The following PTPRK variants were observed in gnomAD, a reference collection of about 807,000 sequenced individuals.
PTPRK encodes protein tyrosine phosphatase receptor type K, also known as receptor-type tyrosine-protein phosphatase kappa.
In PTPRK, 75 loss-of-function variants were observed where a neutral mutation model predicts 178.0. The observed-to-expected ratio is 0.42, with a 90% CI of 0.35 to 0.51. The LOEUF (loss-of-function observed/expected upper bound fraction) is 0.51, where lower values mean the gene tolerates loss of function less well. PTPRK is among the 20% of genes least tolerant of loss of function. PTPRK has a pLI of 0.02. For missense variants in PTPRK, 1,441 were observed against 1,797.8 expected, an observed-to-expected ratio of 0.80 and a Z score of 3.59; for synonymous variants, 637 against 620.6, an observed-to-expected ratio of 1.03 and a Z score of -0.39.
chr6:128,285,586 G>GAGT (rs1391655839), intron 3 of PTPRK, among the ~76,000 whole-genome samples: 4 of 152,032 alleles, frequency 2.6e-5, no homozygotes, highest in African/African-American at 9.6e-5. Context: ...CAAGGCAGGT[G>GAGT]GATCACAAGG....
At chr6:128,348,768 T>C (rs1263270713) in intron 2 of PTPRK, among the ~76,000 whole-genome samples, 1 of 152,072 alleles carries the variant, frequency 6.6e-6, no homozygotes, top group Non-Finnish European at 1.5e-5. Context: ...TATGAAAACC[T>C]GAAAGCTCTA....
rs1341535302 is a variant in PTPRK at position 128,397,679 on chromosome 6, G to C, written c.110C>G (p.Thr37Ser). 1 of 1,613,204 alleles carries C rather than the reference G, an allele frequency of 6.2e-7. No individual in the cohort carries two copies. Among genetic ancestry groups the C allele is most frequent in the Non-Finnish European group, 8.5e-7 (1 of 1,179,388 alleles). ...ACAGGCCCCTGGACCATCATCAAAA[G>C]TACAGCCACCTAGGAGAAAAGAAGA... is the stretch of plus-strand genomic sequence containing the variant. ...AQGQFSAGGC[T>S]FDDGPGACDY... The change falls in exon 2 of 30, where the codon ACT becomes AGT. Residue 37 changes from threonine to serine, a missense_variant. By Grantham distance (58) the Thr-to-Ser change is moderately conservative. Transcript: ENST00000368226.
chr6:128,133,227 G>A (rs1794523862), intron 7 of PTPRK, among the ~76,000 whole-genome samples: 1 of 152,146 alleles, frequency 6.6e-6, no homozygotes, highest in Non-Finnish European at 1.5e-5. Context: ...AAGATGAATA[G>A]AATGATGTGA....
At chr6:128,057,288 G>A (rs1780062913) in intron 13 of PTPRK, among the ~76,000 whole-genome samples, 1 of 152,172 alleles carries the variant, frequency 6.6e-6, no homozygotes, top group Non-Finnish European at 1.5e-5. Context: ...TAACGTAGCA[G>A]GACTAAGACT....
At chr6:128,235,428 A>T (rs1027538860) in intron 5 of PTPRK, 6 of 257,376 alleles carry the variant, frequency 2.3e-5, no homozygotes, top group Middle Eastern at 4.4e-4. Context: ...TATAAATTAT[A>T]TGTTATAATT....
chr6:128,379,535 T>A (rs1249056949), intron 2 of PTPRK, among the ~76,000 whole-genome samples: 1 of 152,220 alleles, frequency 6.6e-6, no homozygotes, highest in African/African-American at 2.4e-5. Flanking sequence ...ATTTTACCTT[T>A]AAGAAAGAGA....
At chr6:128,263,241 A>G in intron 3 of PTPRK, among the ~76,000 whole-genome samples, 1 of 152,188 alleles carries the variant, frequency 6.6e-6, no homozygotes, top group Non-Finnish European at 1.5e-5. Context: ...AAGTCCTAAG[A>G]AGGAAGAGGC....
chr6:128,006,060 CA>C, intron 14 of PTPRK: 1 of 1,563,646 alleles, frequency 6.4e-7, no homozygotes, highest in Non-Finnish European at 8.7e-7. Context: ...CTCCTCCTGG[CA>C]AGCAAATCAC....
chr6:128,135,672 A>G (rs928810851), intron 7 of PTPRK, among the ~76,000 whole-genome samples: 6 of 152,142 alleles, frequency 3.9e-5, no homozygotes, highest in Non-Finnish European at 8.8e-5. Context: ...GCACTAGGAT[A>G]TCCCTATGCC....
chr6:128,290,375 T>C (rs577441083), intron 3 of PTPRK, among the ~76,000 whole-genome samples: 2 of 152,138 alleles, frequency 1.3e-5, no homozygotes, highest in African/African-American at 2.4e-5. Context: ...AACCCCATTA[T>C]TTCTATAGCA....
At chr6:128,082,699 C>A in intron 9 of PTPRK, 61 bp from the exon 10 acceptor site, 1 of 1,315,670 alleles carries the variant, frequency 7.6e-7, no homozygotes. Flanking sequence ...TGTAAATAAA[C>A]TCTGTATAAA....
intron 3 of PTPRK, among the ~76,000 whole-genome samples, chr6:128,302,391 CAAAAAAAAAAAAAAA>C (rs534525238): frequency 0.21 from 6,431 of 30,998 alleles, 496 homozygotes; most frequent in African/African-American, 0.35. Context: ...GACTCAATTC[CAAAAAAAAAAAAAAA>C]AAAAAAAAAA....
chr6:128,381,865 C>T (rs983816116), intron 2 of PTPRK, among the ~76,000 whole-genome samples: 7 of 152,138 alleles, frequency 4.6e-5, no homozygotes, highest in Middle Eastern at 3.4e-3. Flanking sequence ...TAGAGATAAT[C>T]TATAGAGTCT....
chr6:128,155,245 G>T (rs1411848779), intron 7 of PTPRK, among the ~76,000 whole-genome samples: 1 of 151,644 alleles, frequency 6.6e-6, no homozygotes. Context: ...TTTCGTAGGT[G>T]TCGTATACTT....
At chr6:128,495,412 G>A (rs1854508588) in intron 1 of PTPRK, among the ~76,000 whole-genome samples, 1 of 152,070 alleles carries the variant, frequency 6.6e-6, no homozygotes, top group African/African-American at 2.4e-5. Context: ...GTAAGGAAAA[G>A]GTAATATGCA....
At chr6:128,271,555 T>C (rs1323358385) in intron 3 of PTPRK, among the ~76,000 whole-genome samples, 1 of 152,048 alleles carries the variant, frequency 6.6e-6, no homozygotes, top group Non-Finnish European at 1.5e-5. Flanking sequence ...AAGCAGCTAT[T>C]AAGTACTCAA....
At chr6:128,290,927 T>C (rs1823276850) in intron 3 of PTPRK, among the ~76,000 whole-genome samples, 1 of 152,078 alleles carries the variant, frequency 6.6e-6, no homozygotes, top group Non-Finnish European at 1.5e-5. Flanking sequence ...GCTGTTAATC[T>C]TCAGAACAGT....
intron 2 of PTPRK, among the ~76,000 whole-genome samples, chr6:128,340,189 T>G (rs1308826922): frequency 1.3e-5 from 2 of 152,304 alleles, no homozygotes; most frequent in East Asian, 3.9e-4. Context: ...CTAAAATAAG[T>G]CACTTTGTCT....
intron 2 of PTPRK, among the ~76,000 whole-genome samples, chr6:128,389,380 T>C (rs528868998): frequency 3.5e-5 from 5 of 144,608 alleles, no homozygotes; most frequent in African/African-American, 1.2e-4. Flanking sequence ...ACCTACCTTT[T>C]CTTGTTTGCT....
Sources: gnomAD v4.1 joint callset for allele counts (sites outside exome capture counted in the v4.1 genomes callset) on GRCh38, gnomAD v4.1.1 for gene constraint, MANE v1.5 for transcripts, NCBI Gene and HGNC (gene_info 2026-07-23, HGNC 2026-07-21) for gene names.